Variants in GAS7 observed in about 807,000 individuals in gnomAD.
GAS7 encodes growth arrest specific 7.
In GAS7, 28 loss-of-function variants were observed where a neutral mutation model predicts 71.1. The ratio of observed to expected loss-of-function variants is 0.39; its 90% CI spans 0.29 to 0.54. The LOEUF is 0.54. Among genes scored for constraint, GAS7 ranks in the 20% least tolerant of loss-of-function variants. GAS7 has a pLI of 0.62. For missense variants in GAS7, 436 were observed against 627.8 expected (o/e 0.69, Z 3.27); for synonymous variants, 258 against 245.8 (o/e 1.05, Z -0.46).
intron 1 of GAS7, among the ~76,000 whole-genome samples, chr17:10,175,517 G>A (rs2074367685): frequency 6.6e-6 from 1 of 152,178 alleles, no homozygotes; most frequent in Non-Finnish European, 1.5e-5. Context: ...CCCTCTGTGT[G>A]TATCTGTGTC....
At chr17:10,005,324 T>TACACACACAC (rs1488449808) in intron 2 of GAS7, among the ~76,000 whole-genome samples, 25 of 146,650 alleles carry the variant, frequency 1.7e-4, no homozygotes, top group African/African-American at 6.5e-4. Flanking sequence ...CACACATATA[T>TACACACACAC]ATATACACAC....
chr17:10,191,219 T>G (rs1472914626), intron 1 of GAS7, among the ~76,000 whole-genome samples: 3 of 150,654 alleles, frequency 2.0e-5, no homozygotes, highest in African/African-American at 7.3e-5. Context: ...TGGGCCCCAT[T>G]CAAAGGCCAT....
intron 1 of GAS7, among the ~76,000 whole-genome samples, chr17:10,086,095 G>A (rs1228372554): frequency 6.6e-6 from 1 of 152,212 alleles, no homozygotes; most frequent in African/African-American, 2.4e-5. Flanking sequence ...AGGCAGGCGC[G>A]ACCATGAATG....
At chr17:10,150,841 G>A (rs1233083346) in intron 1 of GAS7, among the ~76,000 whole-genome samples, 3 of 151,922 alleles carry the variant, frequency 2.0e-5, no homozygotes, top group Non-Finnish European at 2.9e-5. Context: ...CACCCACCTC[G>A]GCCTCCCAAG....
chr17:10,177,797 T>C (rs1351022510), intron 1 of GAS7, among the ~76,000 whole-genome samples: 1 of 152,158 alleles, frequency 6.6e-6, no homozygotes, highest in East Asian at 1.9e-4. Flanking sequence ...GTCTTGATGA[T>C]TTGCAGTGAA....
chr17:10,078,053 TTGTGTGTGTGTG>T (rs59380311), intron 1 of GAS7, among the ~76,000 whole-genome samples: 2 of 146,318 alleles, frequency 1.4e-5, no homozygotes, highest in Non-Finnish European at 1.5e-5. Flanking sequence ...GTTTTTTCTG[TTGTGTGTGTGTG>T]TGTGTGTGTG....
chr17:9,966,414 C>T (rs1396502771), intron 4 of GAS7, among the ~76,000 whole-genome samples: 2 of 152,130 alleles, frequency 1.3e-5, no homozygotes, highest in African/African-American at 2.4e-5. Flanking sequence ...GTCTAGGTTT[C>T]GTCACTGTAA....
chr17:10,026,211 C>T lies in GAS7; in HGVS notation c.184-6314G>A, dbSNP rs1018252098. 2 of 985,118 alleles carry T rather than the reference C, an allele frequency of 2.0e-6. No individual in the cohort carries two copies. The highest frequency in any genetic ancestry group is 6.2e-5 in the Admixed American group (1 of 16,246). The allele number at this position is 985,118 out of a possible 1,614,324, so 61.0% of individuals were successfully genotyped here. Reference sequence around the variant, plus strand: ...TGTTAATGGGTGGTCGTCAGACACTCGCTTTAGCAGCCAGATCAGACGGTT... The same window carrying T: ...TGTTAATGGGTGGTCGTCAGACACTTGCTTTAGCAGCCAGATCAGACGGTT... On this transcript the variant is annotated intron_variant, in intron 1 of 13. Transcript: ENST00000432992. This position sits in a 1 kb window ranked among gnomAD's most constrained non-coding sequence, Gnocchi z 4.5.
chr17:10,046,351 C>A (rs1331529390), intron 1 of GAS7, among the ~76,000 whole-genome samples: 1 of 151,420 alleles, frequency 6.6e-6, no homozygotes, highest in Non-Finnish European at 1.5e-5. Flanking sequence ...AATAACTCAT[C>A]CAATCTTAAA....
At chr17:10,153,847 A>G (rs972426280) in intron 1 of GAS7, among the ~76,000 whole-genome samples, 1 of 152,244 alleles carries the variant, frequency 6.6e-6, no homozygotes, top group African/African-American at 2.4e-5. Flanking sequence ...TGGGAGGATC[A>G]CTTGAGGCCT....
At chr17:10,036,631 G>A in intron 1 of GAS7, 2 of 1,438,604 alleles carry the variant, frequency 1.4e-6, no homozygotes, top group Non-Finnish European at 1.8e-6. Context: ...CTGTGGCTTT[G>A]CTCATTGCTG....
intron 1 of GAS7, among the ~76,000 whole-genome samples, chr17:10,052,190 G>T (rs924505139): frequency 6.6e-6 from 1 of 152,132 alleles, no homozygotes; most frequent in African/African-American, 2.4e-5. Flanking sequence ...CCCTGACCGA[G>T]AACTGCAAAA....
chr17:10,147,113 C>T (rs534632894), intron 1 of GAS7, among the ~76,000 whole-genome samples: 11 of 152,226 alleles, frequency 7.2e-5, no homozygotes, highest in Admixed American at 4.6e-4. Flanking sequence ...AGCCAAAAGC[C>T]CTCTTCAAAT....
chr17:10,024,217 G>A (rs368767477), intron 1 of GAS7, among the ~76,000 whole-genome samples: 4 of 152,290 alleles, frequency 2.6e-5, no homozygotes, highest in South Asian at 2.1e-4. Flanking sequence ...CTTCACTTAA[G>A]GGCCAACAGC....
chr17:10,092,879 C>G (rs2073598999), intron 1 of GAS7, among the ~76,000 whole-genome samples: 1 of 152,210 alleles, frequency 6.6e-6, no homozygotes, highest in Non-Finnish European at 1.5e-5. Context: ...ATCTCCCTCT[C>G]TCTCTCAGAG....
chr17:10,197,603 C>G (rs1272595083), intron 1 of GAS7, among the ~76,000 whole-genome samples: 1 of 152,228 alleles, frequency 6.6e-6, no homozygotes, highest in Non-Finnish European at 1.5e-5. Context: ...CCTCGGGGAG[C>G]TGGACCAGGG....
At chr17:10,104,899 T>TA (rs2073742790) in intron 1 of GAS7, among the ~76,000 whole-genome samples, 1 of 152,190 alleles carries the variant, frequency 6.6e-6, no homozygotes, top group South Asian at 2.1e-4. Flanking sequence ...AGGGAACTTA[T>TA]AAAACATCCA....
At chr17:10,171,078 C>T (rs1267458288) in intron 1 of GAS7, among the ~76,000 whole-genome samples, 2 of 152,192 alleles carry the variant, frequency 1.3e-5, no homozygotes, top group African/African-American at 2.4e-5. Context: ...TCACTTGAGC[C>T]GCAAAGAATC....
chr17:9,954,641 C>T (rs1218785884), intron 5 of GAS7, among the ~76,000 whole-genome samples: 4 of 152,154 alleles, frequency 2.6e-5, no homozygotes, highest in Admixed American at 6.5e-5. Flanking sequence ...CATCTAGCAA[C>T]GTGGAGACAT....
Sources: allele counts gnomAD v4.1 joint callset (sites outside exome capture counted in the v4.1 genomes callset), GRCh38; gene constraint gnomAD v4.1.1; non-coding constraint Gnocchi (gnomAD v3.1); transcripts MANE v1.5; gene names NCBI Gene and HGNC (gene_info 2026-07-23, HGNC 2026-07-21).